The following SOX5 variants were observed in gnomAD, a reference collection of about 807,000 sequenced individuals.
SOX5 encodes SRY-box transcription factor 5, also known as transcription factor SOX-5.
SOX5 carries 9 observed loss-of-function variants against 92.0 expected under a neutral mutation model. The observed-to-expected ratio is 0.10, with a 90% confidence interval of 0.06 to 0.17. SOX5 has a LOEUF of 0.17. SOX5 is among the 10% of genes least tolerant of loss of function. SOX5 has a pLI of 1.00. For synonymous variants in SOX5, 344 were observed against 336.3 expected, an observed-to-expected ratio of 1.02 and a Z score of -0.25; for missense variants, 642 against 944.5, an observed-to-expected ratio of 0.68 and a Z score of 4.20.
chr12:23,802,241 AT>A (rs909566626), intron 3 of SOX5, among the ~76,000 whole-genome samples: 5 of 148,972 alleles, frequency 3.4e-5, no homozygotes, highest in Non-Finnish European at 4.5e-5. Context: ...GTCCAGCTAA[AT>A]TTTTTTTTTG....
chr12:23,641,660 A>T (rs956470958), intron 7 of SOX5, among the ~76,000 whole-genome samples: 2 of 152,302 alleles, frequency 1.3e-5, no homozygotes, highest in Middle Eastern at 3.4e-3. Context: ...CTTATTTTTT[A>T]TGAAAATCAA....
Position 24,396,556 on chromosome 12 carries a change from G to A in SOX5, c.-250-27917C>T, listed in dbSNP as rs143425202. Among the ~76,000 whole-genome samples, 352 of 152,206 alleles carry A rather than the reference G, an allele frequency of 2.3e-3. 2 individuals are homozygous for A. The highest frequency in any genetic ancestry group is 0.01 in the Middle Eastern group (3 of 294). ...CGTTGGTGCCGCATGGCAACAGCTCGCGCTAGCTCCTGCCAGCTCCTGCCT... is the reference window on the plus strand; with the variant it reads ...CGTTGGTGCCGCATGGCAACAGCTCACGCTAGCTCCTGCCAGCTCCTGCCT... On this transcript the variant is annotated intron_variant, in intron 1 of 4. Transcript: ENST00000446891.
At chr12:23,780,787 A>T (rs904171976) in intron 3 of SOX5, among the ~76,000 whole-genome samples, 1 of 152,130 alleles carries the variant, frequency 6.6e-6, no homozygotes, top group African/African-American at 2.4e-5. Context: ...GAGCCAAGAA[A>T]GTATTTTAAT....
At chr12:23,685,146 T>C (rs574132804) in intron 6 of SOX5, among the ~76,000 whole-genome samples, 55 of 152,238 alleles carry the variant, frequency 3.6e-4, no homozygotes, top group Middle Eastern at 3.4e-3. Flanking sequence ...TCAAAGGTTG[T>C]AGTGACAGAA....
At chr12:24,169,555 T>A (rs891253784) in intron 4 of SOX5, among the ~76,000 whole-genome samples, 7 of 152,346 alleles carry the variant, frequency 4.6e-5, no homozygotes, top group Admixed American at 3.9e-4. Context: ...GGCATTAGCA[T>A]CTTCCCACAC....
chr12:23,649,813 T>C (rs2081327122), intron 7 of SOX5, among the ~76,000 whole-genome samples: 1 of 152,090 alleles, frequency 6.6e-6, no homozygotes. Flanking sequence ...CTATACTGTA[T>C]AACACAGCCT....
At chr12:24,105,032 A>G (rs903565698) in intron 4 of SOX5, among the ~76,000 whole-genome samples, 1 of 152,208 alleles carries the variant, frequency 6.6e-6, no homozygotes, top group African/African-American at 2.4e-5. Context: ...GACACAGTAT[A>G]TCATCTACTG....
intron 1 of SOX5, among the ~76,000 whole-genome samples, chr12:24,525,746 C>T (rs1049065999): frequency 3.9e-5 from 6 of 152,052 alleles, no homozygotes; most frequent in African/African-American, 1.4e-4. Context: ...GTGGCGGGCG[C>T]CTGTAGTCCC....
At chr12:24,122,067 C>G (rs1948688296) in intron 4 of SOX5, among the ~76,000 whole-genome samples, 1 of 152,056 alleles carries the variant, frequency 6.6e-6, no homozygotes, top group Admixed American at 6.6e-5. Context: ...ATTCAGCTTA[C>G]ACAATTCTGA....
intron 2 of SOX5, among the ~76,000 whole-genome samples, chr12:24,351,228 A>C (rs1381936130): frequency 6.6e-6 from 1 of 152,178 alleles, no homozygotes; most frequent in Non-Finnish European, 1.5e-5. Context: ...AGATTAAATT[A>C]AAATTTAAAA....
At chr12:24,429,322 CAAAACAAAACAAA>C (rs1232989339) in intron 1 of SOX5, among the ~76,000 whole-genome samples, 1 of 118,012 alleles carries the variant, frequency 8.5e-6, no homozygotes, top group Non-Finnish European at 2.1e-5. Context: ...ATCTCAAAAA[CAAAACAAAACAAA>C]AAAACAAAAA....
chr12:23,669,088 T>G (rs1318457095), intron 6 of SOX5, among the ~76,000 whole-genome samples: 4 of 152,166 alleles, frequency 2.6e-5, no homozygotes, highest in Non-Finnish European at 5.9e-5. Flanking sequence ...ATATGCAGTC[T>G]GTGGTAACTA....
At chr12:23,622,922 T>G (rs762414762) in intron 8 of SOX5, among the ~76,000 whole-genome samples, 1 of 152,166 alleles carries the variant, frequency 6.6e-6, no homozygotes, top group Non-Finnish European at 1.5e-5. Flanking sequence ...TTGCCACCTC[T>G]TTTTTAACTT....
chr12:24,416,630 G>C (rs571901148), intron 1 of SOX5, among the ~76,000 whole-genome samples: 1 of 152,262 alleles, frequency 6.6e-6, no homozygotes, highest in Non-Finnish European at 1.5e-5. Flanking sequence ...TGAGGAACTA[G>C]AGGCACCGAG....
In SOX5 at chr12:24,393,063, T is replaced by A. The variant is rs769932754; in HGVS notation, c.-250-24424A>T. Among the ~76,000 whole-genome samples, 3 of 152,158 alleles carry A rather than the reference T, an allele frequency of 2.0e-5. No homozygotes were observed. Among genetic ancestry groups the A allele is most frequent in the Non-Finnish European group, 4.4e-5 (3 of 68,014 alleles). On this transcript the variant is annotated intron_variant, in intron 1 of 4. Coordinates refer to the SOX5 transcript ENST00000446891. This position sits in a 1 kb window ranked among gnomAD's most constrained non-coding sequence, Gnocchi z 5.0. ...CTTCAATCTTGAGTGTGTGGGGGCA[T>A]AAGTATTTTTTTCTTTTCTATCTCA...
At chr12:23,775,208 G>A (rs78525744) in intron 3 of SOX5, among the ~76,000 whole-genome samples, 165 of 152,264 alleles carry the variant, frequency 1.1e-3, no homozygotes, top group African/African-American at 2.9e-3. Flanking sequence ...ATAATAATAT[G>A]AAAATCATTA....
intron 2 of SOX5, among the ~76,000 whole-genome samples, chr12:23,877,491 C>T (rs985337103): frequency 6.6e-6 from 1 of 152,090 alleles, no homozygotes. Flanking sequence ...AGATTCTCAA[C>T]CTTATTAATA....
chr12:24,212,516 A>C, intron 4 of SOX5: 1 of 530,252 alleles, frequency 1.9e-6, no homozygotes. Context: ...CAAGGAAGGA[A>C]GGATTACAAG....
At position 24,180,549 on chromosome 12, in the gene SOX5, A is replaced by G. The variant is rs183150115; in HGVS notation, c.-2+32794T>C. 1.2e-4 allele frequency among the ~76,000 whole-genome samples: 18 copies of G among 152,278 alleles called. 1 individual carries two copies. Among genetic ancestry groups the G allele is most frequent in the Admixed American group, 1.2e-3 (18 of 15,290 alleles). On this transcript the variant is annotated intron_variant, in intron 4 of 4. Coordinates refer to the SOX5 transcript ENST00000446891. Reference sequence around the variant, plus strand: ...CGTTTAGCCCAGTCTGGAAGTTTACAATCCCTTGACAGCAATGGGGTATGC... The same window carrying G: ...CGTTTAGCCCAGTCTGGAAGTTTACGATCCCTTGACAGCAATGGGGTATGC...
Sources: gnomAD v4.1 joint callset for allele counts (sites outside exome capture counted in the v4.1 genomes callset) on GRCh38, gnomAD v4.1.1 for gene constraint, Gnocchi (gnomAD v3.1) non-coding constraint, MANE v1.5 for transcripts, NCBI Gene and HGNC (gene_info 2026-07-23, HGNC 2026-07-21) for gene names.